Variants in DOCK5 observed in about 807,000 individuals in gnomAD.
The protein encoded by DOCK5 is dedicator of cytokinesis protein 5.
DOCK5 carries 142 observed loss-of-function variants against 251.8 expected under a neutral mutation model. That is an observed-to-expected ratio of 0.56 (90% confidence interval 0.49 to 0.65). DOCK5 has a LOEUF of 0.65. Ranked by LOEUF, DOCK5 falls within the 30% of genes least tolerant of loss-of-function variation. The pLI is 0.00. For missense variants in DOCK5, 2,111 were observed against 2,312.3 expected (o/e 0.91, Z 1.79); for synonymous variants, 842 against 835.5 (o/e 1.01, Z -0.13).
chr8:25,197,952 G>A (rs894724044), intron 1 of DOCK5, among the ~76,000 whole-genome samples: 4 of 151,890 alleles, frequency 2.6e-5, no homozygotes, highest in Admixed American at 2.6e-4. Flanking sequence ...GGGTTTCACT[G>A]TGTTAGCCAG....
intron 8 of DOCK5, among the ~76,000 whole-genome samples, chr8:25,299,906 T>G (rs1804716781): frequency 6.6e-6 from 1 of 152,180 alleles, no homozygotes; most frequent in African/African-American, 2.4e-5. Flanking sequence ...AGATTTGGAA[T>G]GACTGTTATA....
chr8:25,259,451 A>C (rs899034228), intron 2 of DOCK5, among the ~76,000 whole-genome samples: 1 of 151,982 alleles, frequency 6.6e-6, no homozygotes, highest in African/African-American at 2.4e-5. Context: ...TAATTAATTT[A>C]TTTACTTTTT....
intron 18 of DOCK5, among the ~76,000 whole-genome samples, chr8:25,327,538 A>G (rs1805588806): frequency 6.6e-6 from 1 of 152,142 alleles, no homozygotes; most frequent in South Asian, 2.1e-4. Context: ...AGATAACCAT[A>G]TTGTTACATT....
intron 40 of DOCK5, among the ~76,000 whole-genome samples, chr8:25,386,599 A>T (rs1449772029): frequency 6.6e-6 from 1 of 152,184 alleles, no homozygotes; most frequent in Admixed American, 6.5e-5. Context: ...CCCTGTCTCA[A>T]AAAATAAAAT....
At chr8:25,337,735 A>C (rs935200006) in intron 22 of DOCK5, among the ~76,000 whole-genome samples, 4 of 151,684 alleles carry the variant, frequency 2.6e-5, no homozygotes, top group African/African-American at 9.7e-5. Flanking sequence ...ACAGGTGCAT[A>C]CCACCATGCC....
At chr8:25,385,768 A>T (rs1305655988) in intron 40 of DOCK5, among the ~76,000 whole-genome samples, 2 of 152,200 alleles carry the variant, frequency 1.3e-5, no homozygotes, top group Non-Finnish European at 2.9e-5. Context: ...CCTACAGTGT[A>T]GCTACTCAGT....
At chr8:25,339,262 G>GA (rs1012527723) in intron 22 of DOCK5, among the ~76,000 whole-genome samples, 1 of 152,012 alleles carries the variant, frequency 6.6e-6, no homozygotes, top group Non-Finnish European at 1.5e-5. Flanking sequence ...AAAACACCAA[G>GA]AAAAAATTGT....
intron 7 of DOCK5, among the ~76,000 whole-genome samples, 194 bp from the exon 8 acceptor site, chr8:25,298,750 A>C (rs1276094338): frequency 6.6e-6 from 1 of 152,072 alleles, no homozygotes; most frequent in Non-Finnish European, 1.5e-5. Flanking sequence ...TTTTTTGTAG[A>C]GACAGAGGCT....
At chr8:25,317,179 C>T (rs369321908) in intron 14 of DOCK5, 48 bp downstream of exon 14, 2 of 1,598,730 alleles carry the variant, frequency 1.3e-6, no homozygotes, top group African/African-American at 1.3e-5. Flanking sequence ...TCCGTCTTTA[C>T]AATCACGATA....
rs780384750 is a variant in DOCK5 at position 25,325,398 on chromosome 8, A to G, written c.1754A>G (p.Tyr585Cys). Residue 585 changes from tyrosine to cysteine, a missense_variant, in exon 18 of 52, where the codon TAC (tyrosine) becomes TGC (cysteine). Tyr to Cys is a radical substitution (Grantham distance 194). Transcript: ENST00000276440. ...AAAAAAATGGAAGATGCTAAATTCT[A>G]CCTGACCCTGCCTGGAACCAAGATG... is the stretch of plus-strand genomic sequence containing the variant. ...DNKKMEDAKFYLTLPGTKMEM... is the reference protein window; with the variant it reads ...DNKKMEDAKFCLTLPGTKMEM... 3 of 1,613,964 alleles carry G rather than the reference A, an allele frequency of 1.9e-6. No homozygotes were observed. Among genetic ancestry groups the G allele is most frequent in the African/African-American group, 1.3e-5 (1 of 75,038 alleles).
chr8:25,410,201 A>T lies in DOCK5; in HGVS notation c.5507A>T (p.Glu1836Val), dbSNP rs1801597732. 2 of 1,612,990 alleles carry T rather than the reference A, an allele frequency of 1.2e-6. No homozygotes were observed. Among genetic ancestry groups the T allele is most frequent in the Non-Finnish European group, 1.7e-6 (2 of 1,179,408 alleles). The change falls in exon 51 of 52, where the codon GAG becomes GTG. Residue 1836 changes from glutamate (E) to valine (V), a missense_variant and splice_region_variant. By Grantham distance (121) the Glu-to-Val change is moderately radical. Around this residue, in one of 3 missense-constraint regions of DOCK5, gnomAD observed 1,717 missense variants for 1,892.4 expected, o/e 0.91. Transcript: ENST00000276440. ...GAAGGCAGCCAGAGGAACTCCACTG[A>T]GGTAGGGAAATCACAGCTGGCAACT... ...PYEGSQRNSTELAPPLPVRRE... is the reference protein window; with the variant it reads ...PYEGSQRNSTVLAPPLPVRRE...
intron 38 of DOCK5, 135 bp from the exon 39 acceptor site, chr8:25,380,170 G>A (rs1271148855): frequency 1.4e-6 from 1 of 702,824 alleles, no homozygotes; most frequent in Non-Finnish European, 2.5e-6. Flanking sequence ...AAGGGATAAA[G>A]CGAGTGAGGA....
At chr8:25,219,024 C>T (rs1802317352) in intron 1 of DOCK5, among the ~76,000 whole-genome samples, 1 of 152,140 alleles carries the variant, frequency 6.6e-6, no homozygotes, top group South Asian at 2.1e-4. Context: ...ATATTGATGA[C>T]TCTAAACATG....
At chr8:25,283,209 C>G (rs80038259) in intron 5 of DOCK5, among the ~76,000 whole-genome samples, 1,748 of 152,212 alleles carry the variant, frequency 0.011, 43 homozygotes, top group African/African-American at 0.04. Flanking sequence ...GATGACTCCC[C>G]CCGTGGTCTC....
intron 22 of DOCK5, 97 bp from the exon 23 acceptor site, chr8:25,340,780 T>G: frequency 1.1e-6 from 1 of 929,258 alleles, no homozygotes; most frequent in Non-Finnish European, 1.7e-6. Flanking sequence ...ATGATTAGGG[T>G]GATACGATGA....
chr8:25,319,618 A>G lies in DOCK5; in HGVS notation c.1484A>G (p.Glu495Gly), dbSNP rs776956100. The change falls in exon 15 of 52, where the codon GAA (glutamate) becomes GGA (glycine). Residue 495 changes from glutamate (E) to glycine (G), a missense_variant. Around this residue, in one of 3 missense-constraint regions of DOCK5, gnomAD observed 1,717 missense variants for 1,892.4 expected, o/e 0.91. Coordinates refer to ENST00000276440, the MANE Select transcript of DOCK5 (RefSeq NM_024940.8). ...GGTGCTGGATATGAAGGCATTTCAG[A>G]ATACAAATCAGTAGTCTATTACCAA... ...HPGAGYEGIS[E>G]YKSVVYYQVK... The G allele has an allele frequency of 2.4e-5, 38 of 1,591,402 alleles. 2 individuals carry two copies. In the South Asian group the frequency reaches 4.3e-4, roughly 18 times the overall value.
chr8:25,274,597 A>G (rs1220904374), intron 3 of DOCK5, among the ~76,000 whole-genome samples: 1 of 152,080 alleles, frequency 6.6e-6, no homozygotes, highest in African/African-American at 2.4e-5. Flanking sequence ...GTGTTACAAT[A>G]CTGATGTAGA....
chr8:25,234,122 G>A (rs570567946), intron 1 of DOCK5, among the ~76,000 whole-genome samples: 10 of 152,242 alleles, frequency 6.6e-5, no homozygotes, highest in Non-Finnish European at 1.3e-4. Context: ...GTAATGACTT[G>A]TGTAGCCTGG....
chr8:25,303,994 G>T (rs1281410111), intron 10 of DOCK5, among the ~76,000 whole-genome samples: 1 of 152,150 alleles, frequency 6.6e-6, no homozygotes, highest in Admixed American at 6.5e-5. Flanking sequence ...TTAGCAACTC[G>T]ATCTTGTAGA....
Sources: allele counts gnomAD v4.1 joint callset (sites outside exome capture counted in the v4.1 genomes callset), GRCh38; gene constraint gnomAD v4.1.1; regional missense constraint gnomAD v4.1.1; transcripts MANE v1.5; gene names NCBI Gene and HGNC (gene_info 2026-07-23, HGNC 2026-07-21).